Variants in C2CD2 observed in about 807,000 individuals in gnomAD.
C2CD2 encodes C2 domain-containing protein 2.
C2CD2 carries 43 observed loss-of-function variants against 74.3 expected under a neutral mutation model. The ratio of observed to expected loss-of-function variants is 0.58; its 90% CI spans 0.45 to 0.75. C2CD2 has a LOEUF of 0.75. Ranked by LOEUF, C2CD2 falls within the 30% of genes least tolerant of loss-of-function variation. The pLI is 0.00. For missense variants in C2CD2, 801 were observed against 916.3 expected (o/e 0.87, Z 1.63); for synonymous variants, 422 against 390.7 (o/e 1.08, Z -0.94).
chr21:41,916,699 ACACAC>A (rs2065095990), intron 5 of C2CD2, among the ~76,000 whole-genome samples: 2 of 142,590 alleles, frequency 1.4e-5, no homozygotes, highest in African/African-American at 5.3e-5. Context: ...ACACACACAC[ACACAC>A]ACTCCCATTG....
rs529015972 is a variant in C2CD2 at position 41,907,678 on chromosome 21, C to T, written c.1125G>A (p.Leu375=). 20 of 1,611,986 alleles carry T rather than the reference C, an allele frequency of 1.2e-5. No homozygotes were observed. The highest frequency in any genetic ancestry group is 6.7e-5 in the African/African-American group (5 of 75,000). ...TSGSACGSSV[L]GSVTAEFSYM... is the part of the protein sequence containing the mutation. ...GCCCTACCTCTGCCGTGACCGAGCC[C>T]AGCACCGAGCTGCCGCAGGCAGACC... is the stretch of plus-strand genomic sequence containing the variant. Residue 375 remains leucine (L), a synonymous_variant, in exon 9 of 14, where the codon CTG becomes CTA. Coordinates refer to ENST00000380486, the MANE Select transcript of C2CD2 (RefSeq NM_015500.2).
chr21:41,912,972 C>T (rs908903184), intron 6 of C2CD2, among the ~76,000 whole-genome samples: 3 of 152,228 alleles, frequency 2.0e-5, no homozygotes, highest in South Asian at 2.1e-4. Context: ...TTGATATCAA[C>T]AGCCAAGGGC....
chr21:41,921,124 A>G (rs2065149764), intron 3 of C2CD2, among the ~76,000 whole-genome samples: 1 of 152,210 alleles, frequency 6.6e-6, no homozygotes, highest in African/African-American at 2.4e-5. Context: ...ATTTAAAACC[A>G]TGCCTTTGTA....
chr21:41,915,017 C>T (rs538306878), intron 5 of C2CD2, among the ~76,000 whole-genome samples: 3 of 152,270 alleles, frequency 2.0e-5, no homozygotes, highest in African/African-American at 7.2e-5. Context: ...TTACTTACCA[C>T]GGGGGAAGAT....
intron 1 of C2CD2, among the ~76,000 whole-genome samples, chr21:41,942,653 C>G (rs923389661): frequency 2.6e-5 from 4 of 152,340 alleles, no homozygotes; most frequent in Middle Eastern, 3.4e-3. Flanking sequence ...CAGAGGGCTC[C>G]AGGCTGTGTC....
At chr21:41,947,223 T>C (rs1245794161) in intron 1 of C2CD2, among the ~76,000 whole-genome samples, 1 of 146,522 alleles carries the variant, frequency 6.8e-6, no homozygotes, top group Non-Finnish European at 1.5e-5. Flanking sequence ...AATGGCGCGA[T>C]CTCGGCTCAC....
intron 8 of C2CD2, chr21:41,908,243 T>TGGTGTGTGTGTGTGTGTGTGTGTGTG: frequency 6.0e-6 from 1 of 167,382 alleles, no homozygotes; most frequent in Non-Finnish European, 1.2e-5. Flanking sequence ...TACCCTCAAG[T>TGGTGTGTGTGTGTGTGTGTGTGTGTG]TGTGTGTGTG....
intron 2 of C2CD2, among the ~76,000 whole-genome samples, chr21:41,922,934 T>C (rs1043414474): frequency 2.6e-4 from 39 of 152,176 alleles, no homozygotes; most frequent in African/African-American, 9.4e-4. Context: ...ATGACTTTCT[T>C]AGCAGCTAAA....
At chr21:41,946,941 T>G (rs2065402424) in intron 1 of C2CD2, among the ~76,000 whole-genome samples, 1 of 152,092 alleles carries the variant, frequency 6.6e-6, no homozygotes, top group African/African-American at 2.4e-5. Context: ...CCTGACAGAC[T>G]GCAGGTGATG....
intron 13 of C2CD2, among the ~76,000 whole-genome samples, chr21:41,898,369 C>CG (rs550680494): frequency 6.6e-4 from 100 of 152,280 alleles, no homozygotes; most frequent in African/African-American, 2.2e-3. Flanking sequence ...ACATCTGGAA[C>CG]GGACCCCAAG....
At chr21:41,943,539 T>TGGGTGGTTAAAAAAA (rs1398382842) in intron 1 of C2CD2, among the ~76,000 whole-genome samples, 2 of 152,176 alleles carry the variant, frequency 1.3e-5, no homozygotes, top group Non-Finnish European at 2.9e-5. Context: ...GAGCTCCGAC[T>TGGGTGGTTAAAAAAA]GGGTGGTTAA....
Position 41,923,215 on chromosome 21 carries a change from G to A in C2CD2, c.379-1130C>T, listed in dbSNP as rs185671954. On this transcript the variant is annotated intron_variant, in intron 2 of 13. Coordinates refer to ENST00000380486, the MANE Select transcript of C2CD2 (RefSeq NM_015500.2). The surrounding 1 kb of genome is among the most constrained non-coding windows in gnomAD (Gnocchi z 5.8). ...TTTCACCATTAGCCAGGAGGGTCTC[G>A]ATCTCCTCACCTCGTGATCCGCCCA... 2.0e-4 allele frequency among the ~76,000 whole-genome samples: 31 copies of A among 151,952 alleles called. No individual in the cohort carries two copies. Among genetic ancestry groups the A allele is most frequent in the African/African-American group, 7.5e-4 (31 of 41,346 alleles).
chr21:41,901,565 G>C (rs1375288536), intron 12 of C2CD2, 57 bp downstream of exon 12: 2 of 1,584,836 alleles, frequency 1.3e-6, no homozygotes, highest in Non-Finnish European at 1.7e-6. Context: ...GGGCAGAGGA[G>C]CAGCAGGTCA....
intron 1 of C2CD2, among the ~76,000 whole-genome samples, chr21:41,952,426 G>A (rs766335941): frequency 6.6e-6 from 1 of 152,234 alleles, no homozygotes; most frequent in African/African-American, 2.4e-5. Flanking sequence ...TTTCCACAGC[G>A]AATGACCACT....
At chr21:41,941,179 A>C (rs1233360627) in intron 2 of C2CD2, among the ~76,000 whole-genome samples, 1 of 151,862 alleles carries the variant, frequency 6.6e-6, no homozygotes, top group Non-Finnish European at 1.5e-5. Context: ...ACATAGCAAG[A>C]CCCCATCTCT....
intron 13 of C2CD2, chr21:41,894,808 G>A (rs988403605): frequency 1.8e-5 from 8 of 456,646 alleles, no homozygotes; most frequent in Non-Finnish European, 3.5e-5. Context: ...ACGATGCAGG[G>A]AGAACAGGGC....
intron 11 of C2CD2, among the ~76,000 whole-genome samples, chr21:41,904,368 A>G (rs964265350): frequency 6.6e-6 from 1 of 152,222 alleles, no homozygotes; most frequent in Non-Finnish European, 1.5e-5. Context: ...CTTGTTTAAC[A>G]TATGATCAAG....
intron 2 of C2CD2, among the ~76,000 whole-genome samples, chr21:41,933,675 C>T (rs1018795597): frequency 9.9e-5 from 15 of 152,236 alleles, no homozygotes; most frequent in African/African-American, 2.9e-4. Flanking sequence ...CCCAGGAGCC[C>T]GGGCAGATCC....
rs765087641 is a variant in C2CD2 at position 41,937,118 on chromosome 21, AT to A, written c.378+5028del. ...ATAGGCGTGAGCCACCGCACCCAGCATTTTTTTTTCTTTTTTTGAGACGGCA... is the reference window on the plus strand; with the variant it reads ...ATAGGCGTGAGCCACCGCACCCAGCATTTTTTTTCTTTTTTTGAGACGGCA... On this transcript the variant is annotated intron_variant, in intron 2 of 13. Coordinates refer to ENST00000380486, the MANE Select transcript of C2CD2 (RefSeq NM_015500.2). 9.1e-4 allele frequency among the ~76,000 whole-genome samples: 113 copies of A among 124,020 alleles called. 1 individual carries two copies. Among genetic ancestry groups the A allele is most frequent in the East Asian group, 2.4e-4 (1 of 4,186 alleles). The allele number at this position is 124,020 out of a possible 152,430, so 81.4% of individuals were successfully genotyped here.
Sources: gnomAD v4.1 joint callset for allele counts (sites outside exome capture counted in the v4.1 genomes callset) on GRCh38, gnomAD v4.1.1 for gene constraint, Gnocchi (gnomAD v3.1) non-coding constraint, MANE v1.5 for transcripts, NCBI Gene and HGNC (gene_info 2026-07-23, HGNC 2026-07-21) for gene names.